Variants in C8orf34 observed in about 807,000 individuals in gnomAD.
C8orf34 encodes the protein chromosome 8 open reading frame 34.
In C8orf34, 65 loss-of-function variants were observed where a neutral mutation model predicts 68.3. The observed-to-expected ratio is 0.95, with a 90% confidence interval of 0.78 to 1.17. The LOEUF (loss-of-function observed/expected upper bound fraction) is 1.17, where lower values mean the gene tolerates loss of function less well. Ranked by LOEUF, C8orf34 falls within the 50% of genes most tolerant of loss-of-function variation. The pLI, the probability that C8orf34 is intolerant of heterozygous loss-of-function variation, is 0.00. For synonymous variants in C8orf34, 244 were observed against 241.2 expected, an observed-to-expected ratio of 1.01 and a Z score of -0.11; for missense variants, 664 against 655.4, an observed-to-expected ratio of 1.01 and a Z score of -0.14.
chr8:68,419,941 C>T (rs535848753), intron 1 of C8orf34, among the ~76,000 whole-genome samples: 6 of 143,610 alleles, frequency 4.2e-5, no homozygotes, highest in African/African-American at 1.6e-4. Flanking sequence ...AACTAACCTG[C>T]ACATTGTGCA....
intron 8 of C8orf34, among the ~76,000 whole-genome samples, chr8:68,681,208 T>C (rs1198297482): frequency 6.6e-6 from 1 of 152,208 alleles, no homozygotes; most frequent in African/African-American, 2.4e-5. Context: ...TTTGTATAGT[T>C]AACACAATTA....
chr8:68,448,029 C>T (rs561219345), intron 3 of C8orf34: 2 of 152,102 alleles, frequency 1.3e-5, no homozygotes, highest in African/African-American at 4.8e-5. Context: ...CTCAGTATCC[C>T]TTTTCATCAT....
chr8:68,416,627 G>A lies in C8orf34; in HGVS notation c.328-22872G>A, dbSNP rs192936826. ...GCTCACTGCAACCTCCTCCTACCAG[G>A]TTTGAGTGATTCTTCTGCTTCAGCC... On this transcript the variant is annotated intron_variant, in intron 1 of 13. Coordinates refer to ENST00000518698, the MANE Select transcript of C8orf34 (RefSeq NM_052958.4). Among the ~76,000 whole-genome samples the A allele has an allele frequency of 6.5e-3, 988 of 152,056 alleles. 5 individuals carry two copies. The highest frequency in any genetic ancestry group is 0.011 in the Non-Finnish European group (766 of 67,984).
rs932696810 is a variant in C8orf34 at position 68,556,361 on chromosome 8, CAAG to C, written c.1105+23220_1105+23222del. ...TGATTTTGTACACAGCCATTTTAAA[CAAG>C]AAGAAGATACTAAAACTACTATGAA... On this transcript the variant is annotated intron_variant, in intron 7 of 13. Coordinates refer to ENST00000518698, the MANE Select transcript of C8orf34 (RefSeq NM_052958.4). Among the ~76,000 whole-genome samples the C allele has an allele frequency of 4.0e-4, 54 of 136,216 alleles. 1 individual carries two copies. The highest frequency in any genetic ancestry group is 1.4e-3 in the African/African-American group (50 of 36,722). The allele number at this position is 136,216 out of a possible 152,430, so 89.4% of individuals were successfully genotyped here. A position where few individuals can be genotyped will look rare whatever the true frequency, so the allele number is the denominator to read the frequency against.
chr8:68,730,884 G>A (rs1370114262), intron 10 of C8orf34, among the ~76,000 whole-genome samples: 2 of 152,126 alleles, frequency 1.3e-5, no homozygotes, highest in Admixed American at 6.5e-5. Context: ...TGTTCTGAAC[G>A]TGATGAGCAG....
intron 10 of C8orf34, among the ~76,000 whole-genome samples, chr8:68,757,286 G>A (rs1410273766): frequency 2.0e-5 from 3 of 152,118 alleles, no homozygotes; most frequent in Admixed American, 1.3e-4. Context: ...GAGGCAGTGG[G>A]TCAGTGACGG....
At chr8:68,395,676 A>C (rs961532948) in intron 1 of C8orf34, among the ~76,000 whole-genome samples, 3 of 152,176 alleles carry the variant, frequency 2.0e-5, no homozygotes, top group African/African-American at 7.2e-5. Context: ...AGGAGTTCAT[A>C]GTCTATGAAG....
At chr8:68,657,768 T>C (rs1819551683) in intron 8 of C8orf34, among the ~76,000 whole-genome samples, 2 of 152,192 alleles carry the variant, frequency 1.3e-5, no homozygotes, top group Non-Finnish European at 2.9e-5. Context: ...ATTGACACTT[T>C]ACAGGATATT....
At chr8:68,809,192 A>T (rs973068110) in intron 12 of C8orf34, among the ~76,000 whole-genome samples, 2 of 152,164 alleles carry the variant, frequency 1.3e-5, no homozygotes, top group Non-Finnish European at 2.9e-5. Flanking sequence ...TAACTACATG[A>T]TAGTAAAGGC....
chr8:68,554,136 T>C (rs900783622), intron 7 of C8orf34, among the ~76,000 whole-genome samples: 17 of 152,182 alleles, frequency 1.1e-4, no homozygotes, highest in Non-Finnish European at 1.3e-4. Context: ...AAAGGTTTTA[T>C]AGTCTTGTTA....
At chr8:68,495,492 A>G (rs1176638860) in intron 5 of C8orf34, among the ~76,000 whole-genome samples, 1 of 152,174 alleles carries the variant, frequency 6.6e-6, no homozygotes, top group Non-Finnish European at 1.5e-5. Flanking sequence ...TATTATCCAC[A>G]TTTGACAGGT....
intron 1 of C8orf34, among the ~76,000 whole-genome samples, chr8:68,398,255 C>A (rs530927098): frequency 6.6e-6 from 1 of 152,218 alleles, no homozygotes; most frequent in Admixed American, 6.5e-5. Context: ...TTTTAGCCAA[C>A]AGAAGTCTTC....
chr8:68,512,243 AC>A (rs1814308223), intron 5 of C8orf34, among the ~76,000 whole-genome samples: 1 of 152,236 alleles, frequency 6.6e-6, no homozygotes, highest in Admixed American at 6.5e-5. Flanking sequence ...GATAGCATAT[AC>A]TTAGACAATA....
In C8orf34 at chr8:68,583,391, T is replaced by A. The variant is rs191749230; in HGVS notation, c.1105+50242T>A. Reference sequence around the variant, plus strand: ...TCCACTTATACTGAAGCTTAGAGAATTTAAGTAACTTGTTCAACTTCACAT... The same window carrying A: ...TCCACTTATACTGAAGCTTAGAGAAATTAAGTAACTTGTTCAACTTCACAT... On this transcript the variant is annotated intron_variant, in intron 7 of 13. Coordinates refer to ENST00000518698, the MANE Select transcript of C8orf34 (RefSeq NM_052958.4). Among the ~76,000 whole-genome samples the A allele has an allele frequency of 4.0e-3, 612 of 152,286 alleles. 5 individuals carry two copies. Among genetic ancestry groups the A allele is most frequent in the African/African-American group, 0.014 (583 of 41,582 alleles).
In C8orf34 at chr8:68,448,894, A is replaced by G. The variant is rs115215009; in HGVS notation, c.607+2434A>G. ...CAAATAAAAATTTAAGATAAAGGATATTACCAGAGATAAAGAGACCATATC... is the reference window on the plus strand; with the variant it reads ...CAAATAAAAATTTAAGATAAAGGATGTTACCAGAGATAAAGAGACCATATC... On this transcript the variant is annotated intron_variant, in intron 3 of 13. Transcript: ENST00000518698. Among the ~76,000 whole-genome samples the G allele has an allele frequency of 1.0e-3, 156 of 152,202 alleles. 1 individual carries two copies. Among genetic ancestry groups the G allele is most frequent in the African/African-American group, 3.7e-3 (154 of 41,588 alleles).
chr8:68,732,606 A>G (rs1282147610), intron 10 of C8orf34, among the ~76,000 whole-genome samples: 2 of 152,116 alleles, frequency 1.3e-5, no homozygotes, highest in South Asian at 2.1e-4. Context: ...ATTACAGAGA[A>G]GCTATATTTT....
chr8:68,750,376 C>A (rs558424950), intron 10 of C8orf34, among the ~76,000 whole-genome samples: 10 of 152,226 alleles, frequency 6.6e-5, no homozygotes. Flanking sequence ...TCTATGATTT[C>A]ATTTACATGA....
intron 8 of C8orf34, among the ~76,000 whole-genome samples, chr8:68,679,816 A>G (rs552025885): frequency 1.2e-4 from 19 of 152,344 alleles, no homozygotes; most frequent in African/African-American, 4.6e-4. Context: ...GGTGCCAAGA[A>G]CATGCACAGG....
At chr8:68,484,776 A>T (rs1030124564) in intron 4 of C8orf34, among the ~76,000 whole-genome samples, 26 of 145,410 alleles carry the variant, frequency 1.8e-4, no homozygotes, top group African/African-American at 6.6e-4. Context: ...TTTAATCTGT[A>T]TAAGCTTTGA....
Sources: gnomAD v4.1 joint callset for allele counts (sites outside exome capture counted in the v4.1 genomes callset) on GRCh38, gnomAD v4.1.1 for gene constraint, MANE v1.5 for transcripts, NCBI Gene and HGNC (gene_info 2026-07-23, HGNC 2026-07-21) for gene names.